PRKAB2: variants seen among roughly 807,000 people sequenced by gnomAD.
The protein encoded by PRKAB2 is 5'-AMP-activated protein kinase subunit beta-2.
Under a neutral mutation model 29.8 loss-of-function variants are expected in PRKAB2, and 18 were observed. The ratio of observed to expected loss-of-function variants is 0.60; its 90% CI spans 0.42 to 0.89. The LOEUF (loss-of-function observed/expected upper bound fraction) is 0.89, where lower values mean the gene tolerates loss of function less well. Among genes scored for constraint, PRKAB2 ranks in the 40% least tolerant of loss-of-function variants. The pLI, the probability that PRKAB2 is intolerant of heterozygous loss-of-function variation, is 0.00. For synonymous variants in PRKAB2, 136 were observed against 125.9 expected (o/e 1.08, Z -0.54); for missense variants, 270 against 344.3 (o/e 0.78, Z 1.71).
In PRKAB2 at chr1:147,157,586, C is replaced by A. The variant is rs1653738841; in HGVS notation, c.*1979G>T. ...AACACATACATATTACATTTCAATA[C>A]TGTTGACAAGAAATATAACAAACTT... On this transcript the variant is annotated 3_prime_UTR_variant, in exon 8 of 8. Transcript: ENST00000254101. 6.6e-6 allele frequency: 1 copy of A among 152,166 alleles called. No homozygotes were observed. Among genetic ancestry groups the A allele is most frequent in the Admixed American group, 6.5e-5 (1 of 15,274 alleles). The allele number at this position is 152,166 out of a possible 1,614,324, so 9.4% of individuals were successfully genotyped here.
At chr1:147,165,407 A>C (rs1654191547) in intron 5 of PRKAB2, among the ~76,000 whole-genome samples, 1 of 152,182 alleles carries the variant, frequency 6.6e-6, no homozygotes, top group Admixed American at 6.5e-5. Flanking sequence ...GTGCCTCCTC[A>C]GCTGAGAATC....
intron 5 of PRKAB2, among the ~76,000 whole-genome samples, chr1:147,164,839 A>T (rs1285719579): frequency 6.6e-6 from 1 of 152,238 alleles, no homozygotes; most frequent in Non-Finnish European, 1.5e-5. Context: ...CTATATAATT[A>T]TGATACATGT....
At chr1:147,169,181 GT>G (rs201940212) in intron 2 of PRKAB2, among the ~76,000 whole-genome samples, 2 of 151,208 alleles carry the variant, frequency 1.3e-5, no homozygotes, top group African/African-American at 2.4e-5. Context: ...AATAATGTGG[GT>G]TTTTTTTTAA....
intron 5 of PRKAB2, among the ~76,000 whole-genome samples, chr1:147,164,822 C>A (rs587750685): frequency 1.3e-5 from 2 of 152,170 alleles, no homozygotes; most frequent in South Asian, 2.1e-4. Context: ...GTATGCAAGT[C>A]TTCTCTCTAT....
chr1:147,166,054 C>T (rs1654232860), intron 5 of PRKAB2, among the ~76,000 whole-genome samples: 1 of 152,008 alleles, frequency 6.6e-6, no homozygotes, highest in Admixed American at 6.6e-5. Context: ...TTTTTTGGAC[C>T]TCATAAAATC....
At chr1:147,172,195 G>A in intron 1 of PRKAB2, 28 bp from the exon 2 acceptor site, 2 of 1,496,830 alleles carry the variant, frequency 1.3e-6, no homozygotes, top group Non-Finnish European at 1.8e-6. Context: ...ACCGGGCTGG[G>A]AACACCTCAG....
Position 147,162,555 on chromosome 1 carries a change from G to C in PRKAB2, c.557C>G (p.Pro186Arg), listed in dbSNP as rs142003739. 55 of 1,610,880 alleles carry C rather than the reference G, an allele frequency of 3.4e-5. No homozygotes were observed. The highest frequency in any genetic ancestry group is 5.1e-6 in the Non-Finnish European group (6 of 1,178,346). The change falls in exon 6 of 8, where the codon CCA (proline) becomes CGA (arginine). Residue 186 changes from proline to arginine, a missense_variant. Physicochemically the swap from Pro to Arg is moderately radical, Grantham distance 103 (BLOSUM62 -2). Coordinates refer to ENST00000254101, the MANE Select transcript of PRKAB2 (RefSeq NM_005399.5). ...TSCRDLSSSP[P>R]GPYGQEMYAF... ...ATACATTTCTTGACCATAAGGCCCTGGGGGTGAGCTGGAAAGGTCTGAAAG... is the reference window on the plus strand; with the variant it reads ...ATACATTTCTTGACCATAAGGCCCTCGGGGTGAGCTGGAAAGGTCTGAAAG...
chr1:147,161,909 T>G (rs1312892272), intron 6 of PRKAB2, 129 bp from the exon 7 acceptor site: 5 of 678,992 alleles, frequency 7.4e-6, no homozygotes, highest in Non-Finnish European at 1.2e-5. Flanking sequence ...CTCTTTTCAA[T>G]AATGCACCCA....
chr1:147,162,682 A>G, intron 5 of PRKAB2, 109 bp from the exon 6 acceptor site: 3 of 1,175,768 alleles, frequency 2.6e-6, no homozygotes, highest in Admixed American at 2.7e-5. Flanking sequence ...GAAGTCCTGG[A>G]TCACAAACTT....
intron 5 of PRKAB2, among the ~76,000 whole-genome samples, 194 bp from the exon 6 acceptor site, chr1:147,162,767 C>T (rs1245236973): frequency 1.3e-5 from 2 of 152,078 alleles, no homozygotes; most frequent in Non-Finnish European, 2.9e-5. Flanking sequence ...CCATGAAGCT[C>T]CTCAACATAG....
chr1:147,163,066 CAAT>C (rs58192237), intron 5 of PRKAB2, among the ~76,000 whole-genome samples: 29,222 of 151,870 alleles, frequency 0.19, 3,446 homozygotes, highest in East Asian at 0.57. Flanking sequence ...ACCAATACAA[CAAT>C]GATTGCAACA....
Position 147,172,187 on chromosome 1 carries a change from CG to C in PRKAB2, c.-23-21del, listed in dbSNP as rs1425502590. The C allele has an allele frequency of 6.6e-7, 1 of 1,511,172 alleles. No homozygotes were observed. 93.6% of individuals were successfully genotyped at this position (1,511,172 alleles called of 1,614,324 possible). On this transcript the variant is annotated intron_variant, in intron 1 of 7. Transcript: ENST00000254101. ...GACCACCTACCGCGGGGAACGACAC[CG>C]GGCTGGGAACACCTCAGCCGCCGCG...
chr1:147,171,072 G>T (rs1553914302), intron 2 of PRKAB2, among the ~76,000 whole-genome samples: 1 of 152,208 alleles, frequency 6.6e-6, no homozygotes, highest in East Asian at 1.9e-4. Flanking sequence ...CATCCAGTCA[G>T]TCTACCTGGA....
rs1364012827 is a variant in PRKAB2 at position 147,156,763 on chromosome 1, G to A, written c.*2802C>T. On this transcript the variant is annotated 3_prime_UTR_variant, in exon 8 of 8. Coordinates refer to ENST00000254101, the MANE Select transcript of PRKAB2 (RefSeq NM_005399.5). The stretch of plus-strand genomic sequence containing the variant: ...TGACACATGAGCTTAAAGCAGAATG[G>A]AAAGGAAAGAGGAGAGAATTGGAAC... The A allele has an allele frequency of 6.6e-6, 1 of 152,148 alleles. No homozygotes were observed. The highest frequency in any genetic ancestry group is 1.5e-5 in the Non-Finnish European group (1 of 68,038). The allele number at this position is 152,148 out of a possible 1,614,324, so 9.4% of individuals were successfully genotyped here.
Position 147,160,551 on chromosome 1 carries a change from C to T in PRKAB2, c.742-909G>A, listed in dbSNP as rs3766523. Among the ~76,000 whole-genome samples the T allele has an allele frequency of 9.3e-4, 142 of 152,268 alleles. 1 individual carries two copies. Among genetic ancestry groups the T allele is most frequent in the African/African-American group, 3.0e-3 (125 of 41,550 alleles). ...ACAAGTGTATCCTTCTACCTTCCCC[C>T]GTACTGTATTATCCACCATGAATGC... On this transcript the variant is annotated intron_variant, in intron 7 of 7. Coordinates refer to ENST00000254101, the MANE Select transcript of PRKAB2 (RefSeq NM_005399.5).
rs1331375687 is a variant in PRKAB2, at chr1:147,157,526, G to A, written c.*2039C>T. ...ATCTCTTTTCCTGCCCCACTCTACT[G>A]AAACACCTGTGTGGAGTAAAAATTT... is the stretch of plus-strand genomic sequence containing the variant. On this transcript the variant is annotated 3_prime_UTR_variant, in exon 8 of 8. Coordinates refer to ENST00000254101, the MANE Select transcript of PRKAB2 (RefSeq NM_005399.5). 6.6e-6 allele frequency: 1 copy of A among 152,142 alleles called. No individual in the cohort carries two copies. The highest frequency in any genetic ancestry group is 1.5e-5 in the Non-Finnish European group (1 of 68,038). The allele number at this position is 152,142 out of a possible 1,614,324, so 9.4% of individuals were successfully genotyped here.
intron 3 of PRKAB2, 128 bp from the exon 4 acceptor site, chr1:147,167,067 T>C: frequency 1.4e-6 from 1 of 739,260 alleles, no homozygotes; most frequent in East Asian, 2.8e-5. Context: ...TCCCCTGGTG[T>C]AAAAAACAAC....
chr1:147,164,613 G>C (rs1553913455), intron 5 of PRKAB2, among the ~76,000 whole-genome samples: 1 of 152,080 alleles, frequency 6.6e-6, no homozygotes, highest in East Asian at 1.9e-4. Flanking sequence ...ATACCCTTGG[G>C]AAGTGCACAG....
chr1:147,163,506 A>G (rs1358576415), intron 5 of PRKAB2, among the ~76,000 whole-genome samples: 1 of 152,240 alleles, frequency 6.6e-6, no homozygotes, highest in Non-Finnish European at 1.5e-5. Flanking sequence ...GCTCTTATTC[A>G]GCCATAAAAA....
Sources: gnomAD v4.1 joint callset for allele counts (sites outside exome capture counted in the v4.1 genomes callset) on GRCh38, gnomAD v4.1.1 for gene constraint, MANE v1.5 for transcripts, NCBI Gene and HGNC (gene_info 2026-07-23, HGNC 2026-07-21) for gene names.